Variants in C2CD3 observed in about 807,000 individuals in gnomAD.
C2CD3 encodes the protein C2 domain containing 3 centriole elongation regulator, also known as C2 domain-containing protein 3.
A neutral mutation model predicts 234.0 loss-of-function variants in C2CD3; 148 were observed. That is an observed-to-expected ratio of 0.63 (90% CI 0.55 to 0.72). C2CD3 has a LOEUF of 0.72. C2CD3 is among the 30% of genes least tolerant of loss of function. The pLI is 0.00. For synonymous variants in C2CD3, 1,000 were observed against 1,035.4 expected (o/e 0.97, Z 0.66); for missense variants, 2,577 against 2,811.5 (o/e 0.92, Z 1.89).
At chr11:74,097,845 A>G (rs1218333088) in intron 16 of C2CD3, among the ~76,000 whole-genome samples, 164 bp downstream of exon 16, 2 of 152,238 alleles carry the variant, frequency 1.3e-5, no homozygotes, top group Middle Eastern at 3.2e-3. Flanking sequence ...ATCATAACAG[A>G]AAATTACCAA....
chr11:74,103,093 CT>C (rs972074571), intron 14 of C2CD3, 37 bp downstream of exon 14: 35 of 1,564,046 alleles, frequency 2.2e-5, no homozygotes, highest in Non-Finnish European at 2.7e-5. Flanking sequence ...TCTCTCACCC[CT>C]ATATTCCTCT....
intron 22 of C2CD3, among the ~76,000 whole-genome samples, chr11:74,079,811 GATTT>G (rs1955254238): frequency 6.6e-6 from 1 of 151,998 alleles, no homozygotes; most frequent in African/African-American, 2.4e-5. Flanking sequence ...TTTAAGGCCA[GATTT>G]ATTTCTGAAT....
At chr11:74,048,668 G>A (rs1953509434) in intron 27 of C2CD3, among the ~76,000 whole-genome samples, 1 of 152,144 alleles carries the variant, frequency 6.6e-6, no homozygotes, top group South Asian at 2.1e-4. Flanking sequence ...AGGATAATCT[G>A]GCTGTGAAAT....
At chr11:74,125,046 T>G (rs972814592) in intron 7 of C2CD3, among the ~76,000 whole-genome samples, 1 of 152,236 alleles carries the variant, frequency 6.6e-6, no homozygotes, top group Non-Finnish European at 1.5e-5. Context: ...CATACCTATT[T>G]TGAAAGTCAA....
Position 74,085,635 on chromosome 11 carries a change from T to C in C2CD3, c.3893A>G (p.His1298Arg), listed in dbSNP as rs1955605927. 1.9e-6 allele frequency: 3 copies of C among 1,614,178 alleles called. No homozygotes were observed. Among genetic ancestry groups the C allele is most frequent in the Non-Finnish European group, 1.7e-6 (2 of 1,180,024 alleles). The stretch of plus-strand genomic sequence containing the variant: ...GTGCTCACCTGACTTGGTATTTTCA[T>C]GATAGACAGCAAAAATAACTTCTGC... ...EFAEVIFAVYHENTKSASDII... is the reference protein window; with the variant it reads ...EFAEVIFAVYRENTKSASDII... Residue 1298 changes from histidine (H) to arginine (R), a missense_variant, in exon 21 of 33, where the codon CAT becomes CGT. His to Arg is a conservative substitution (Grantham distance 29). Coordinates refer to ENST00000334126, the MANE Select transcript of C2CD3 (RefSeq NM_001286577.2).
intron 11 of C2CD3, 146 bp from the exon 12 acceptor site, chr11:74,109,298 T>C (rs980975146): frequency 1.7e-6 from 1 of 572,644 alleles, no homozygotes; most frequent in African/African-American, 1.9e-5. Context: ...CAGAAAGTGC[T>C]AGGGTTGTAG....
rs140943348 is a variant in C2CD3 at position 74,111,264 on chromosome 11, C to T, written c.1844-2112G>A. Reference sequence around the variant, plus strand: ...ATAATGTTAAAGGCAAGGTGCAGAACCATGTACAGGTTGGGCAGCCCTAAC... The same window carrying T: ...ATAATGTTAAAGGCAAGGTGCAGAATCATGTACAGGTTGGGCAGCCCTAAC... On this transcript the variant is annotated intron_variant, in intron 11 of 32. Coordinates refer to ENST00000334126, the MANE Select transcript of C2CD3 (RefSeq NM_001286577.2). 2.6e-3 allele frequency among the ~76,000 whole-genome samples: 393 copies of T among 152,210 alleles called. 2 individuals are homozygous for T. Among genetic ancestry groups the T allele is most frequent in the Non-Finnish European group, 4.4e-3 (296 of 68,018 alleles).
rs1953876280 is a variant in C2CD3, at chr11:74,054,691, C to G, written c.5091-20G>C. 6.4e-7 allele frequency: 1 copy of G among 1,566,674 alleles called. No individual in the cohort carries two copies. The highest frequency in any genetic ancestry group is 1.1e-5 in the South Asian group (1 of 87,912). On this transcript the variant is annotated intron_variant, in intron 25 of 32. Coordinates refer to ENST00000334126, the MANE Select transcript of C2CD3 (RefSeq NM_001286577.2). ...GATAGCCTATTAAGAAAAACAACCA[C>G]TGTAAACTAAATGTATAGGAACTTT...
intron 30 of C2CD3, 63 bp downstream of exon 30, chr11:74,037,415 A>G: frequency 3.9e-6 from 5 of 1,279,848 alleles, no homozygotes; most frequent in Non-Finnish European, 4.6e-6. Flanking sequence ...AACACATTCA[A>G]ATGCTTTTTG....
chr11:74,128,928 G>T (rs1157650101), intron 7 of C2CD3: 1 of 283,852 alleles, frequency 3.5e-6, no homozygotes, highest in African/African-American at 2.3e-5. Context: ...AAAATGAAAA[G>T]TCTCCCATGT....
intron 1 of C2CD3, 63 bp downstream of exon 1, chr11:74,170,675 C>T: frequency 1.9e-6 from 3 of 1,596,282 alleles, no homozygotes; most frequent in Non-Finnish European, 2.6e-6. Flanking sequence ...GCGGGTCTCC[C>T]TAAAATTCCT....
At chr11:74,042,625 C>T (rs1381708245) in intron 28 of C2CD3, among the ~76,000 whole-genome samples, 2 of 151,920 alleles carry the variant, frequency 1.3e-5, no homozygotes, top group East Asian at 3.9e-4. Context: ...TGGTGGCAGG[C>T]GCCTGTAATC....
intron 24 of C2CD3, among the ~76,000 whole-genome samples, chr11:74,058,959 A>G (rs960693025): frequency 3.3e-5 from 5 of 152,202 alleles, no homozygotes; most frequent in Non-Finnish European, 7.3e-5. Context: ...CATTTCCATC[A>G]TAACAGAAAG....
At chr11:74,158,646 C>T (rs1027432789) in intron 3 of C2CD3, among the ~76,000 whole-genome samples, 3 of 151,620 alleles carry the variant, frequency 2.0e-5, no homozygotes, top group East Asian at 3.9e-4. Flanking sequence ...CACTTGAACC[C>T]GGGAGGCGGA....
At chr11:74,166,316 TA>T (rs34997320) in intron 2 of C2CD3, among the ~76,000 whole-genome samples, 22,672 of 123,158 alleles carry the variant, frequency 0.18, 1,806 homozygotes, top group East Asian at 0.31. Flanking sequence ...GACTCCGTCT[TA>T]AAAAAAAAAA....
Position 74,040,375 on chromosome 11 carries a change from A to AT in C2CD3, c.5660+1678dup, listed in dbSNP as rs1952975316. ...GGGCTGCTGGTCTATAGCACTATTG[A>AT]TCAATTTTTAACTTGTCTCATTAAC... is the stretch of plus-strand genomic sequence containing the variant. On this transcript the variant is annotated intron_variant, in intron 29 of 32. Coordinates refer to ENST00000334126, the MANE Select transcript of C2CD3 (RefSeq NM_001286577.2). Among the ~76,000 whole-genome samples the AT allele has an allele frequency of 2.0e-5, 3 of 152,116 alleles. No individual in the cohort carries two copies. The East Asian group carries it at 5.8e-4, about 29-fold the overall frequency.
chr11:74,090,286 T>G (rs1955830078), intron 20 of C2CD3, among the ~76,000 whole-genome samples: 2 of 152,182 alleles, frequency 1.3e-5, no homozygotes, highest in African/African-American at 4.8e-5. Context: ...CCCAGCACTT[T>G]GGGAGGCTGA....
chr11:74,058,305 G>GT (rs1213862118), intron 24 of C2CD3, among the ~76,000 whole-genome samples: 1 of 152,096 alleles, frequency 6.6e-6, no homozygotes, highest in Non-Finnish European at 1.5e-5. Context: ...CTAAGAGTAA[G>GT]TAACACTTAC....
rs1461846839 is a variant in C2CD3, at chr11:74,103,394, G to C, written c.2317C>G (p.Pro773Ala). 6.2e-7 allele frequency: 1 copy of C among 1,614,190 alleles called. No homozygotes were observed. Among genetic ancestry groups the C allele is most frequent in the Admixed American group, 1.7e-5 (1 of 60,026 alleles). ...AAGGTTGAAGGATGTGGTGCTACAG[G>C]GCTTGGTGACTTTCGGTTGGGGAGC... is the stretch of plus-strand genomic sequence containing the variant. ...LVLPNRKSPS[P>A]VAPHPSTFVA... Residue 773 changes from proline to alanine, a missense_variant, in exon 14 of 33, where the codon CCT becomes GCT. Pro to Ala is a conservative substitution (Grantham distance 27). Transcript: ENST00000334126.
Sources: gnomAD v4.1 joint callset for allele counts (sites outside exome capture counted in the v4.1 genomes callset) on GRCh38, gnomAD v4.1.1 for gene constraint, MANE v1.5 for transcripts, NCBI Gene and HGNC (gene_info 2026-07-23, HGNC 2026-07-21) for gene names.